The following ATXN3 variants were observed in gnomAD, a reference collection of about 807,000 sequenced individuals.
The protein encoded by ATXN3 is ataxin 3, also known as ataxin-3.
In ATXN3, 28 loss-of-function variants were observed where a neutral mutation model predicts 58.2. The observed-to-expected ratio is 0.48, with a 90% CI of 0.36 to 0.66. The LOEUF (loss-of-function observed/expected upper bound fraction) is 0.66. ATXN3 is among the 30% of genes least tolerant of loss of function. ATXN3 has a pLI of 0.00. For missense variants in ATXN3, 321 were observed against 422.1 expected, an observed-to-expected ratio of 0.76 and a Z score of 2.10; for synonymous variants, 113 against 138.5, an observed-to-expected ratio of 0.82 and a Z score of 1.29.
intron 9 of ATXN3, among the ~76,000 whole-genome samples, chr14:92,078,439 C>T (rs1315754911): frequency 8.6e-5 from 13 of 151,714 alleles, no homozygotes; most frequent in Non-Finnish European, 1.9e-4. Flanking sequence ...CTCGGCTCAC[C>T]GCAACCTCGC....
At chr14:92,097,325 T>C (rs1170215532) in intron 1 of ATXN3, among the ~76,000 whole-genome samples, 1 of 151,704 alleles carries the variant, frequency 6.6e-6, no homozygotes, top group Non-Finnish European at 1.5e-5. Context: ...CCTCCCGGGT[T>C]CAAGTGATTC....
chr14:92,094,412 G>T (rs1329119804), intron 3 of ATXN3, among the ~76,000 whole-genome samples: 1 of 152,124 alleles, frequency 6.6e-6, no homozygotes, highest in Non-Finnish European at 1.5e-5. Context: ...CTACCCATAA[G>T]TGCTTTTCTT....
Position 92,093,320 on chromosome 14 carries a change from T to C in ATXN3, c.321-2A>G. ...TTGCATATAAATGATCTTTCATTTC[T>C]AAAAAAGAAAACAGACAATATTAAC... On this transcript the variant is annotated splice_acceptor_variant, in intron 4 of 10. Coordinates refer to ENST00000644486, the MANE Select transcript of ATXN3 (RefSeq NM_004993.6). LOFTEE classifies it high-confidence loss of function. The C allele has an allele frequency of 7.2e-7, 1 of 1,386,308 alleles. No individual in the cohort carries two copies. The highest frequency in any genetic ancestry group is 1.0e-6 in the Non-Finnish European group (1 of 989,574). 85.9% of individuals were successfully genotyped at this position (1,386,308 alleles called of 1,614,324 possible).
chr14:92,047,426 T>G (rs2057432736), intron 2 of ATXN3, among the ~76,000 whole-genome samples: 2 of 152,210 alleles, frequency 1.3e-5, no homozygotes, highest in Admixed American at 6.5e-5. Flanking sequence ...CAGGCTTCAG[T>G]CCTCTTAAAG....
At chr14:92,083,006 T>C in intron 7 of ATXN3, 120 bp downstream of exon 7, 1 of 1,234,042 alleles carries the variant, frequency 8.1e-7, no homozygotes, top group East Asian at 2.4e-5. Flanking sequence ...TTCACTAAAA[T>C]ATAAGGTCCA....
intron 9 of ATXN3, among the ~76,000 whole-genome samples, chr14:92,076,677 C>T (rs910667253): frequency 2.5e-4 from 38 of 151,504 alleles, no homozygotes; most frequent in Middle Eastern, 3.4e-3. Context: ...CGGTGGTGCA[C>T]GCCTGTAATC....
chr14:92,051,877 G>A (rs1466024051), upstream of ATXN3, among the ~76,000 whole-genome samples: 15 of 150,714 alleles, frequency 1.0e-4, no homozygotes, highest in South Asian at 8.5e-4. Context: ...ACAGGCATGC[G>A]CCACCATGCC....
At chr14:92,051,872 C>T (rs1030307367), upstream of ATXN3, among the ~76,000 whole-genome samples, 27 of 151,208 alleles carry the variant, frequency 1.8e-4, no homozygotes, top group East Asian at 1.8e-3. Flanking sequence ...GGATTACAGG[C>T]ATGCGCCACC....
rs145053294 is a variant in ATXN3 at position 92,046,961 on chromosome 14, G to T, written n.276+935C>A. 2.0e-5 allele frequency among the ~76,000 whole-genome samples: 3 copies of T among 152,354 alleles called. No individual in the cohort carries two copies. In the East Asian group the frequency reaches 5.8e-4, roughly 29 times the overall value. ...AGTATCTTGTTGAGAAGATTCAAAG[G>T]AGGGGCTACAAAGTAGAAGGTCATC... On this transcript the variant is annotated intron_variant and non_coding_transcript_variant, in intron 2 of 2. Coordinates refer to the ATXN3 transcript ENST00000564606.
At chr14:92,073,794 A>ATGCCACTACACTCCAGCC (rs2059859891) in intron 9 of ATXN3, among the ~76,000 whole-genome samples, 1 of 151,640 alleles carries the variant, frequency 6.6e-6, no homozygotes. Flanking sequence ...AGCCCAGATC[A>ATGCCACTACACTCCAGCC]TGCCACTACA....
At chr14:92,074,648 C>G (rs1358419800) in intron 9 of ATXN3, among the ~76,000 whole-genome samples, 2 of 152,212 alleles carry the variant, frequency 1.3e-5, no homozygotes, top group Non-Finnish European at 2.9e-5. Context: ...GCACCTTCAT[C>G]CTTTCTTAAG....
In ATXN3 at chr14:92,106,072, T is replaced by C. The variant is rs553243412; in HGVS notation, c.24+457A>G. Among the ~76,000 whole-genome samples, 3 of 151,038 alleles carry C rather than the reference T, an allele frequency of 2.0e-5. No individual in the cohort carries two copies. The East Asian group carries it at 5.9e-4, about 30-fold the overall frequency. On this transcript the variant is annotated intron_variant, in intron 1 of 10. Transcript: ENST00000644486. ...GATCTACGTGTAGGGAAGACTCCAA[T>C]ATAGAATTGAGCAGTCCGGAGGAGG... is the stretch of plus-strand genomic sequence containing the variant.
chr14:92,067,612 G>A (rs948839350), intron 10 of ATXN3, among the ~76,000 whole-genome samples: 3 of 152,298 alleles, frequency 2.0e-5, no homozygotes, highest in East Asian at 1.9e-4. Flanking sequence ...GGCCAGGCTG[G>A]TCTTGAATTC....
intron 3 of ATXN3, among the ~76,000 whole-genome samples, chr14:92,095,708 A>G (rs1468321549): frequency 2.0e-5 from 3 of 151,782 alleles, no homozygotes; most frequent in Non-Finnish European, 4.4e-5. Context: ...CTGTAATCCC[A>G]GCACTTTGGG....
At chr14:92,086,627 G>A (rs1341618741) in intron 6 of ATXN3, among the ~76,000 whole-genome samples, 1 of 151,844 alleles carries the variant, frequency 6.6e-6, no homozygotes, top group African/African-American at 2.4e-5. Flanking sequence ...CAGCTACTCG[G>A]GAGGTTGAGG....
intron 1 of ATXN3, among the ~76,000 whole-genome samples, chr14:92,104,499 G>A (rs539661232): frequency 1.0e-3 from 158 of 152,270 alleles, no homozygotes; most frequent in Non-Finnish European, 2.0e-3. Context: ...CATCCCATGG[G>A]TCAGTACAAA....
At chr14:92,056,587 T>A (rs960826651), downstream of ATXN3, among the ~76,000 whole-genome samples, 1 of 152,154 alleles carries the variant, frequency 6.6e-6, no homozygotes, top group African/African-American at 2.4e-5. Flanking sequence ...GAATGGTAGT[T>A]GTCAGGGGCT....
At chr14:92,095,057 A>C (rs1409694201) in intron 3 of ATXN3, among the ~76,000 whole-genome samples, 6 of 151,720 alleles carry the variant, frequency 4.0e-5, no homozygotes, top group Non-Finnish European at 5.9e-5. Context: ...TTGCGAGTAC[A>C]TATATATATA....
At chr14:92,075,198 C>A (rs2060150182) in intron 9 of ATXN3, among the ~76,000 whole-genome samples, 1 of 120,522 alleles carries the variant, frequency 8.3e-6, no homozygotes, top group Non-Finnish European at 1.6e-5. Flanking sequence ...GAGTCTTGCT[C>A]TTGTCGCCTA....
Sources: allele counts gnomAD v4.1 joint callset (sites outside exome capture counted in the v4.1 genomes callset), GRCh38; gene constraint gnomAD v4.1.1; transcripts MANE v1.5; gene names NCBI Gene and HGNC (gene_info 2026-07-23, HGNC 2026-07-21).